The following ANKS1B variants were observed in gnomAD, a reference collection of about 807,000 sequenced individuals.
The protein encoded by ANKS1B is ankyrin repeat and sterile alpha motif domain-containing protein 1B.
In ANKS1B, 36 loss-of-function variants were observed where a neutral mutation model predicts 148.3. The ratio of observed to expected loss-of-function variants is 0.24; its 90% CI spans 0.19 to 0.32. The LOEUF is 0.32. Among genes scored for constraint, ANKS1B ranks in the 10% least tolerant of loss-of-function variants. The probability of loss-of-function intolerance (pLI) is 1.00; values close to 1 mark genes in which losing one functional copy is unlikely to be tolerated. For missense variants in ANKS1B, 1,157 were observed against 1,542.6 expected (o/e 0.75, Z 4.19); for synonymous variants, 542 against 560.8 (o/e 0.97, Z 0.47).
chr12:99,181,675 T>A (rs1022629046), intron 14 of ANKS1B, among the ~76,000 whole-genome samples: 4 of 152,048 alleles, frequency 2.6e-5, no homozygotes, highest in Admixed American at 2.0e-4. Context: ...TGTGGGTACA[T>A]AATGGGTGTA....
chr12:99,839,917 C>T (rs2085445345), intron 1 of ANKS1B, among the ~76,000 whole-genome samples: 1 of 151,594 alleles, frequency 6.6e-6, no homozygotes, highest in South Asian at 2.1e-4. Context: ...ATTACTGCTG[C>T]TAGTTAGAAC....
At chr12:98,764,143 C>A (rs1199468618) in intron 25 of ANKS1B, among the ~76,000 whole-genome samples, 1 of 152,180 alleles carries the variant, frequency 6.6e-6, no homozygotes, top group Admixed American at 6.5e-5. Context: ...AAAGGTGGTA[C>A]AGGAGGAAGA....
At chr12:99,710,043 G>A (rs771383286) in intron 8 of ANKS1B, among the ~76,000 whole-genome samples, 8 of 151,902 alleles carry the variant, frequency 5.3e-5, no homozygotes, top group Non-Finnish European at 1.2e-4. Context: ...CCATAATGGG[G>A]CTCATTCATT....
chr12:99,603,082 G>A (rs181345724), intron 9 of ANKS1B, among the ~76,000 whole-genome samples: 8 of 151,980 alleles, frequency 5.3e-5, no homozygotes, highest in Middle Eastern at 3.4e-3. Flanking sequence ...TTGCTCTGTC[G>A]CCAGGCTGGA....
At chr12:99,215,534 T>C (rs770804020) in intron 14 of ANKS1B, among the ~76,000 whole-genome samples, 3 of 152,216 alleles carry the variant, frequency 2.0e-5, no homozygotes, top group Non-Finnish European at 2.9e-5. Flanking sequence ...TGCAAAGTCA[T>C]AGGGCTGGAG....
intron 17 of ANKS1B, among the ~76,000 whole-genome samples, chr12:98,862,577 A>C (rs2099604677): frequency 6.6e-6 from 1 of 152,202 alleles, no homozygotes; most frequent in Admixed American, 6.5e-5. Context: ...TTCATCAATA[A>C]ATTCAAATAG....
chr12:98,736,800 G>A (rs2097775610), intron 9 of ANKS1B, among the ~76,000 whole-genome samples: 1 of 152,178 alleles, frequency 6.6e-6, no homozygotes, highest in Non-Finnish European at 1.5e-5. Context: ...GCAGGCATGG[G>A]CCCCTTAACG....
At chr12:99,560,099 C>T (rs1225074235) in intron 9 of ANKS1B, among the ~76,000 whole-genome samples, 1 of 152,006 alleles carries the variant, frequency 6.6e-6, no homozygotes, top group Non-Finnish European at 1.5e-5. Context: ...TGAGGTACAC[C>T]TGGGGTACTA....
At chr12:99,754,785 G>GT (rs1240710810) in intron 8 of ANKS1B, among the ~76,000 whole-genome samples, 1 of 152,070 alleles carries the variant, frequency 6.6e-6, no homozygotes, top group Admixed American at 6.6e-5. Flanking sequence ...CAATCAATAA[G>GT]TTATTTGGAA....
chr12:98,927,048 G>T (rs1196396417), intron 17 of ANKS1B, among the ~76,000 whole-genome samples: 1 of 152,084 alleles, frequency 6.6e-6, no homozygotes, highest in African/African-American at 2.4e-5. Flanking sequence ...CAAACTCAAA[G>T]AGATCCTTAC....
intron 9 of ANKS1B, among the ~76,000 whole-genome samples, chr12:99,616,358 G>A (rs2097960484): frequency 6.6e-6 from 1 of 152,112 alleles, no homozygotes; most frequent in East Asian, 1.9e-4. Context: ...AAAGAACAAA[G>A]CTGGAGGCAT....
At chr12:99,059,788 C>CTTATATATATATATATATATATATATAT (rs1555201023) in intron 16 of ANKS1B, among the ~76,000 whole-genome samples, 2 of 90,322 alleles carry the variant, frequency 2.2e-5, no homozygotes, top group Non-Finnish European at 4.3e-5. Flanking sequence ...AACTAAAATT[C>CTTATATATATATATATATATATATATAT]ATATATATAT....
chr12:98,921,725 G>A (rs923422899), intron 17 of ANKS1B, among the ~76,000 whole-genome samples: 1 of 152,142 alleles, frequency 6.6e-6, no homozygotes, highest in Non-Finnish European at 1.5e-5. Flanking sequence ...TATCTTCTCT[G>A]AGGGGAGCAT....
chr12:99,928,553 C>T (rs2094533425), intron 1 of ANKS1B, among the ~76,000 whole-genome samples: 1 of 152,118 alleles, frequency 6.6e-6, no homozygotes, highest in South Asian at 2.1e-4. Context: ...GCTGGGATTA[C>T]AGGCGTGAGC....
intron 1 of ANKS1B, among the ~76,000 whole-genome samples, chr12:99,876,049 T>A (rs897793198): frequency 3.3e-5 from 5 of 152,138 alleles, no homozygotes; most frequent in African/African-American, 1.2e-4. Context: ...GACAGCAATA[T>A]GTAAACTGCT....
At chr12:99,781,777 C>A (rs1364927048) in intron 5 of ANKS1B, among the ~76,000 whole-genome samples, 1 of 152,082 alleles carries the variant, frequency 6.6e-6, no homozygotes, top group Non-Finnish European at 1.5e-5. Flanking sequence ...TACTTAAGTG[C>A]ATAAAATTGT....
At chr12:99,314,226 C>T (rs2154027439) in intron 12 of ANKS1B, among the ~76,000 whole-genome samples, 1 of 152,126 alleles carries the variant, frequency 6.6e-6, no homozygotes, top group Middle Eastern at 3.4e-3. Context: ...TGAAGGACCT[C>T]TTCAAGGAGA....
rs559314438 is a variant in ANKS1B at position 99,198,796 on chromosome 12, C to G, written c.2420-44401G>C. 3.9e-5 allele frequency among the ~76,000 whole-genome samples: 6 copies of G among 152,150 alleles called. No homozygotes were observed. The South Asian group carries it at 1.0e-3, about 26-fold the overall frequency. Reference sequence around the variant, plus strand: ...AGGGTCCTCAAATGATTCTTGGCTTCTCATATTCACTCCCTTATGTAGTCC... The same window carrying G: ...AGGGTCCTCAAATGATTCTTGGCTTGTCATATTCACTCCCTTATGTAGTCC... On this transcript the variant is annotated intron_variant, in intron 14 of 26. Transcript: ENST00000683438.
intron 5 of ANKS1B, among the ~76,000 whole-genome samples, chr12:99,780,562 T>A (rs10860522): frequency 7.2e-5 from 11 of 152,010 alleles, no homozygotes; most frequent in East Asian, 1.9e-4. Flanking sequence ...GATTACAGGC[T>A]TGAGCCACCA....
Sources: allele counts gnomAD v4.1 joint callset (sites outside exome capture counted in the v4.1 genomes callset), GRCh38; gene constraint gnomAD v4.1.1; transcripts MANE v1.5; gene names NCBI Gene and HGNC (gene_info 2026-07-23, HGNC 2026-07-21).